Variants in ZNF676 observed in about 807,000 individuals in gnomAD.
ZNF676 encodes zinc finger protein 676.
Under a neutral mutation model 6.0 loss-of-function variants are expected in ZNF676, and 4 were observed. That is an observed-to-expected ratio of 0.67 (90% CI 0.33 to 1.53). The LOEUF (loss-of-function observed/expected upper bound fraction) is 1.53. ZNF676 is among the 40% of genes most tolerant of loss of function. The probability of loss-of-function intolerance (pLI) is 0.06; values close to 1 mark genes in which losing one functional copy is unlikely to be tolerated. For synonymous variants in ZNF676, 198 were observed against 223.1 expected (o/e 0.89, Z 1.00); for missense variants, 644 against 679.7 (o/e 0.95, Z 0.58).
chr19:22,211,030 A>C (rs1206496807), intron 1 of ZNF676, among the ~76,000 whole-genome samples: 1 of 150,848 alleles, frequency 6.6e-6, no homozygotes, highest in East Asian at 1.9e-4. Flanking sequence ...TTTCTACCTA[A>C]TCTTTATAAT....
At chr19:22,229,506 C>A in the ZNF676 span, among the ~76,000 whole-genome samples, 1 of 151,998 alleles carries the variant, frequency 6.6e-6, no homozygotes, top group South Asian at 2.1e-4. Context: ...ACAAATGGGA[C>A]CTAATTAAAC....
At chr19:22,233,140 C>T in the ZNF676 span, among the ~76,000 whole-genome samples, 1 of 152,132 alleles carries the variant, frequency 6.6e-6, no homozygotes, top group South Asian at 2.1e-4. Context: ...CATATATATT[C>T]ATATGAAGAA....
chr19:22,186,309 C>T (rs2023839129), intron 2 of ZNF676, among the ~76,000 whole-genome samples: 1 of 152,114 alleles, frequency 6.6e-6, no homozygotes, highest in South Asian at 2.1e-4. Flanking sequence ...GAAATAAAAT[C>T]CTTTACAGAC....
chr19:22,201,731 C>CAAAAAAAAAAAAAAA (rs35526921), upstream of ZNF676, among the ~76,000 whole-genome samples: 1 of 76,216 alleles, frequency 1.3e-5, no homozygotes, highest in Non-Finnish European at 2.5e-5. Context: ...TTTGTAAAGG[C>CAAAAAAAAAAAAAAA]AAAAAAAAAA....
At chr19:22,216,294 G>C (rs913874713), upstream of ZNF676, among the ~76,000 whole-genome samples, 3 of 152,038 alleles carry the variant, frequency 2.0e-5, no homozygotes, top group Non-Finnish European at 4.4e-5. Flanking sequence ...CATTAGTCAG[G>C]TGTGGTGGTG....
chr19:22,218,140 ATTGT>A (rs1334969338), upstream of ZNF676, among the ~76,000 whole-genome samples: 1 of 151,928 alleles, frequency 6.6e-6, no homozygotes, highest in Non-Finnish European at 1.5e-5. Context: ...TCTTTTGAGA[ATTGT>A]TTAAGTCCCA....
intron 1 of ZNF676, among the ~76,000 whole-genome samples, chr19:22,205,866 G>A (rs921456829): frequency 2.6e-5 from 4 of 151,738 alleles, no homozygotes; most frequent in Admixed American, 2.0e-4. Context: ...AAGAAATCCA[G>A]GCATTAAATC....
chr19:22,243,017 C>T, the ZNF676 span, among the ~76,000 whole-genome samples: 2 of 151,782 alleles, frequency 1.3e-5, no homozygotes, highest in Non-Finnish European at 2.9e-5. Flanking sequence ...AGTATCTCAG[C>T]ATGTCTGTGG....
the ZNF676 span, chr19:22,244,236 G>A: frequency 1.3e-5 from 2 of 152,030 alleles, no homozygotes; most frequent in Non-Finnish European, 2.9e-5. Flanking sequence ...TAGAGACAGA[G>A]TTTCACTATG....
At position 22,196,835 on chromosome 19, in the gene ZNF676, T is replaced by A; in HGVS notation, c.-202A>T. On this transcript the variant is annotated 5_prime_UTR_variant, in exon 1 of 3. Transcript: ENST00000397121. ...TAGAGAGAGCTGGTTCTGACTTATA[T>A]GAATGACTGAAATTATTCAATAAAA... is the stretch of plus-strand genomic sequence containing the variant. The A allele has an allele frequency of 2.0e-6, 2 of 983,750 alleles. No homozygotes were observed. The highest frequency in any genetic ancestry group is 3.1e-6 in the Non-Finnish European group (2 of 648,868). The allele number at this position is 983,750 out of a possible 1,614,324, so 60.9% of individuals were successfully genotyped here.
At chr19:22,239,139 G>A in the ZNF676 span, among the ~76,000 whole-genome samples, 18 of 151,796 alleles carry the variant, frequency 1.2e-4, no homozygotes, top group African/African-American at 4.1e-4. Context: ...ATCCAGAAAT[G>A]AGTCAGCATT....
At chr19:22,233,158 C>T in the ZNF676 span, among the ~76,000 whole-genome samples, 1 of 152,030 alleles carries the variant, frequency 6.6e-6, no homozygotes, top group Non-Finnish European at 1.5e-5. Context: ...GAATTATTTA[C>T]ATGCTCATAA....
chr19:22,236,258 C>A, the ZNF676 span, among the ~76,000 whole-genome samples: 2 of 152,116 alleles, frequency 1.3e-5, no homozygotes. Context: ...CTGCCATCTG[C>A]TAAGTATGTC....
chr19:22,228,776 T>C, the ZNF676 span, among the ~76,000 whole-genome samples: 1 of 151,878 alleles, frequency 6.6e-6, no homozygotes, highest in Non-Finnish European at 1.5e-5. Context: ...GAGAATAAAA[T>C]AACTAGGAAT....
At chr19:22,199,554 T>A (rs1335795499), upstream of ZNF676, among the ~76,000 whole-genome samples, 2 of 152,238 alleles carry the variant, frequency 1.3e-5, no homozygotes, top group Non-Finnish European at 2.9e-5. Context: ...TGATACTAAG[T>A]GTTCAATAAT....
the ZNF676 span, among the ~76,000 whole-genome samples, chr19:22,247,351 G>A: frequency 2.0e-5 from 3 of 151,316 alleles, no homozygotes; most frequent in South Asian, 2.1e-4. Context: ...ATTACCTGAC[G>A]TCAGAAGTTC....
At chr19:22,190,644 T>TAG (rs2023891671) in intron 2 of ZNF676, among the ~76,000 whole-genome samples, 1 of 126,284 alleles carries the variant, frequency 7.9e-6, no homozygotes, top group Non-Finnish European at 1.5e-5. Flanking sequence ...TATATATATA[T>TAG]ATATATATAT....
upstream of ZNF676, among the ~76,000 whole-genome samples, chr19:22,218,186 G>A (rs1370135569): frequency 2.0e-5 from 3 of 151,990 alleles, no homozygotes; most frequent in African/African-American, 7.3e-5. Flanking sequence ...TTTGCTTTGA[G>A]GTTCTTGGTC....
At chr19:22,200,839 G>A (rs1290125247), upstream of ZNF676, among the ~76,000 whole-genome samples, 2 of 152,014 alleles carry the variant, frequency 1.3e-5, no homozygotes, top group African/African-American at 4.8e-5. Flanking sequence ...ATGAGACACT[G>A]CACCCAGCCT....
Sources: allele counts gnomAD v4.1 joint callset (sites outside exome capture counted in the v4.1 genomes callset), GRCh38; gene constraint gnomAD v4.1.1; transcripts MANE v1.5; gene names NCBI Gene and HGNC (gene_info 2026-07-23, HGNC 2026-07-21).